The following LRRC7 variants were observed in gnomAD, a reference collection of about 807,000 sequenced individuals.
LRRC7 encodes the protein leucine-rich repeat-containing protein 7.
In LRRC7, 23 loss-of-function variants were observed where a neutral mutation model predicts 175.7. The observed-to-expected ratio is 0.13, with a 90% CI of 0.09 to 0.19. LRRC7 has a LOEUF of 0.19. Among genes scored for constraint, LRRC7 ranks in the 10% least tolerant of loss-of-function variants. The pLI is 1.00. For missense variants in LRRC7, 1,354 were observed against 1,904.7 expected (o/e 0.71, Z 5.38); for synonymous variants, 685 against 680.9 (o/e 1.01, Z -0.09).
At chr1:69,980,521 C>A in intron 9 of LRRC7, 68 bp downstream of exon 9, 1 of 1,202,992 alleles carries the variant, frequency 8.3e-7, no homozygotes, top group Non-Finnish European at 1.2e-6. Context: ...TGATCATAAT[C>A]TCAACTCTTA....
At chr1:69,895,553 G>T (rs1655143184) in intron 7 of LRRC7, among the ~76,000 whole-genome samples, 1 of 152,070 alleles carries the variant, frequency 6.6e-6, no homozygotes, top group Admixed American at 6.6e-5. Flanking sequence ...TTAAGATAAT[G>T]AACAAAATTC....
At chr1:69,741,387 A>G (rs1449194224) in intron 2 of LRRC7, among the ~76,000 whole-genome samples, 1 of 151,938 alleles carries the variant, frequency 6.6e-6, no homozygotes, top group Non-Finnish European at 1.5e-5. Context: ...TGGCACCTCC[A>G]TAATCCAGTA....
intron 17 of LRRC7, among the ~76,000 whole-genome samples, chr1:70,026,810 A>G (rs1658154779): frequency 6.6e-6 from 1 of 152,156 alleles, no homozygotes; most frequent in South Asian, 2.1e-4. Flanking sequence ...GGAATGTTAG[A>G]AGTCATCTAG....
chr1:69,668,660 C>G (rs928548620), intron 1 of LRRC7, among the ~76,000 whole-genome samples: 3 of 152,160 alleles, frequency 2.0e-5, no homozygotes, highest in Non-Finnish European at 1.5e-5. Context: ...GGTATAAACC[C>G]AGTAATGGGA....
At chr1:69,713,952 T>G (rs1213134475) in intron 2 of LRRC7, among the ~76,000 whole-genome samples, 1 of 152,056 alleles carries the variant, frequency 6.6e-6, no homozygotes, top group Non-Finnish European at 1.5e-5. Context: ...TCTCTTCTTC[T>G]CTCTCTTCTT....
intron 3 of LRRC7, among the ~76,000 whole-genome samples, chr1:69,781,199 G>A (rs1166130986): frequency 1.3e-5 from 2 of 152,092 alleles, no homozygotes; most frequent in African/African-American, 2.4e-5. Flanking sequence ...CTCTCTGTCA[G>A]TAGATAGTTG....
At chr1:69,608,854 CTCTCTCTCTCTCTATATATATA>C (rs1208549068) in intron 1 of LRRC7, among the ~76,000 whole-genome samples, 638 of 34,576 alleles carry the variant, frequency 0.018, 3 homozygotes, top group East Asian at 0.058. Context: ...CTCTCTCTCT[CTCTCTCTCTCTCTATATATATA>C]TATATATATA....
chr1:69,862,933 T>C (rs955728601), intron 7 of LRRC7, among the ~76,000 whole-genome samples: 19 of 152,236 alleles, frequency 1.2e-4, no homozygotes, highest in South Asian at 6.2e-4. Flanking sequence ...AAAGTATATT[T>C]TAGAGGTGAG....
Position 70,116,546 on chromosome 1 carries a change from C to CAAA in LRRC7, c.4621-5217_4621-5215dup, listed in dbSNP as rs11336931. On this transcript the variant is annotated intron_variant, in intron 26 of 26. Transcript: ENST00000651989. ...TGGGCGACAGAGCAAGACTCCATGT[C>CAAA]AAAAAAAAAAAAAAAAAAACACAGA... is the stretch of plus-strand genomic sequence containing the variant. Among the ~76,000 whole-genome samples, 467 of 104,862 alleles carry CAAA rather than the reference C, an allele frequency of 4.5e-3. 3 individuals are homozygous for CAAA. The highest frequency in any genetic ancestry group is 0.013 in the African/African-American group (360 of 28,134). 68.8% of individuals were successfully genotyped at this position (104,862 alleles called of 152,430 possible).
intron 8 of LRRC7, among the ~76,000 whole-genome samples, chr1:69,963,509 G>A (rs1043143912): frequency 1.3e-5 from 2 of 152,060 alleles, no homozygotes; most frequent in South Asian, 2.1e-4. Context: ...CCTAGTGGGG[G>A]CTTTGTATTC....
At chr1:69,942,070 C>T (rs1648779622) in intron 8 of LRRC7, among the ~76,000 whole-genome samples, 1 of 152,110 alleles carries the variant, frequency 6.6e-6, no homozygotes, top group Non-Finnish European at 1.5e-5. Context: ...AGGTTTATGT[C>T]TCAATACATG....
intron 7 of LRRC7, among the ~76,000 whole-genome samples, chr1:69,911,919 G>GA (rs200685672): frequency 0.083 from 11,080 of 134,290 alleles, 521 homozygotes; most frequent in Non-Finnish European, 0.12. Flanking sequence ...GAAAATATTT[G>GA]AAAAAAAAAA....
rs1419839697 is a variant in LRRC7, at chr1:70,128,967, C to T, written c.*7080C>T. On this transcript the variant is annotated 3_prime_UTR_variant, in exon 27 of 27. Transcript: ENST00000651989. ...GCTCACATAAAGAGTGTCACGAAGC[C>T]GGGTGCGGTGACTTATGCCTGTAAT... Among the ~76,000 whole-genome samples, 3 of 151,916 alleles carry T rather than the reference C, an allele frequency of 2.0e-5. No individual in the cohort carries two copies. Among genetic ancestry groups the T allele is most frequent in the African/African-American group, 7.3e-5 (3 of 41,352 alleles).
At chr1:70,056,690 T>A (rs1302174340) in intron 23 of LRRC7, among the ~76,000 whole-genome samples, 1 of 152,110 alleles carries the variant, frequency 6.6e-6, no homozygotes, top group East Asian at 1.9e-4. Context: ...ATCTTACATC[T>A]CATTGACCCA....
intron 18 of LRRC7, among the ~76,000 whole-genome samples, chr1:70,029,858 G>A (rs893213544): frequency 1.3e-5 from 2 of 152,118 alleles, no homozygotes; most frequent in Non-Finnish European, 2.9e-5. Context: ...TCTTAAAACT[G>A]TCTCAAAATC....
intron 8 of LRRC7, among the ~76,000 whole-genome samples, chr1:69,956,949 T>A (rs1650558200): frequency 6.6e-6 from 1 of 151,738 alleles, no homozygotes; most frequent in Non-Finnish European, 1.5e-5. Context: ...GTAGGATAAG[T>A]ATAAGCATTC....
At chr1:69,658,846 C>A (rs369949445) in intron 1 of LRRC7, among the ~76,000 whole-genome samples, 1 of 151,914 alleles carries the variant, frequency 6.6e-6, no homozygotes, top group Admixed American at 6.6e-5. Flanking sequence ...GAGTCTATAA[C>A]AATAACTGGG....
intron 5 of LRRC7, 26 bp downstream of exon 5, chr1:69,825,852 T>C (rs938388556): frequency 7.0e-7 from 1 of 1,424,738 alleles, no homozygotes. Flanking sequence ...TAAATTTTAT[T>C]TGTATTTATA....
At chr1:69,869,150 CAT>C (rs1181245321) in intron 7 of LRRC7, among the ~76,000 whole-genome samples, 2 of 151,940 alleles carry the variant, frequency 1.3e-5, no homozygotes, top group East Asian at 1.9e-4. Flanking sequence ...ATTTGGTAAT[CAT>C]GTGGAGTTTT....
Sources: gnomAD v4.1 joint callset for allele counts (sites outside exome capture counted in the v4.1 genomes callset) on GRCh38, gnomAD v4.1.1 for gene constraint, MANE v1.5 for transcripts, NCBI Gene and HGNC (gene_info 2026-07-23, HGNC 2026-07-21) for gene names.